PPP1R12B: variants seen among roughly 807,000 people sequenced by gnomAD.
PPP1R12B encodes the protein protein phosphatase 1 regulatory subunit 12B.
In PPP1R12B, 76 loss-of-function variants were observed where a neutral mutation model predicts 126.1. That is an observed-to-expected ratio of 0.60 (90% CI 0.50 to 0.73). The LOEUF is 0.73. Among genes scored for constraint, PPP1R12B ranks in the 30% least tolerant of loss-of-function variants. PPP1R12B has a pLI of 0.00. For missense variants in PPP1R12B, 1,052 were observed against 1,205.1 expected, an observed-to-expected ratio of 0.87 and a Z score of 1.88; for synonymous variants, 356 against 434.7, an observed-to-expected ratio of 0.82 and a Z score of 2.25.
At chr1:202,394,832 A>G (rs1361894671) in intron 1 of PPP1R12B, among the ~76,000 whole-genome samples, 2 of 151,538 alleles carry the variant, frequency 1.3e-5, no homozygotes, top group Non-Finnish European at 2.9e-5. Context: ...AGAAAAGAAA[A>G]TCAATTTGGG....
intron 13 of PPP1R12B, among the ~76,000 whole-genome samples, chr1:202,459,205 G>A (rs751629397): frequency 3.9e-5 from 6 of 152,142 alleles, no homozygotes; most frequent in Non-Finnish European, 5.9e-5. Context: ...ACATGGAAAT[G>A]TTAATATTGG....
At chr1:202,438,886 G>A in intron 10 of PPP1R12B, 1 of 1,428,868 alleles carries the variant, frequency 7.0e-7, no homozygotes, top group Non-Finnish European at 9.8e-7. Context: ...CAGGGCAGGA[G>A]CCCATACATC....
Position 202,411,598 on chromosome 1 carries a change from T to G in PPP1R12B, c.292-5189T>G, listed in dbSNP as rs72644160. On this transcript the variant is annotated intron_variant, in intron 1 of 23. Coordinates refer to ENST00000608999, the MANE Select transcript of PPP1R12B (RefSeq NM_002481.4). Reference sequence around the variant, plus strand: ...TGAGGACTAAGTACTTTTTGTTTTTTTTTTTTCCCCTTGAGGCAGTTGCTG... The same window carrying G: ...TGAGGACTAAGTACTTTTTGTTTTTGTTTTTTCCCCTTGAGGCAGTTGCTG... Among the ~76,000 whole-genome samples, 3,283 of 152,120 alleles carry G rather than the reference T, an allele frequency of 0.022. 247 individuals carry two copies. In the East Asian group the frequency reaches 0.25, roughly 12 times the overall value.
chr1:202,435,140 C>A (rs1670643199), intron 9 of PPP1R12B, among the ~76,000 whole-genome samples: 1 of 152,152 alleles, frequency 6.6e-6, no homozygotes, highest in African/African-American at 2.4e-5. Flanking sequence ...CCCTATTAAC[C>A]TCATTTAAGC....
intron 23 of PPP1R12B, chr1:202,574,965 T>C (rs769298363): frequency 1.3e-6 from 2 of 1,545,676 alleles, no homozygotes; most frequent in East Asian, 4.5e-5. Context: ...TCTCTCTGTC[T>C]TTTCTGTCTG....
chr1:202,402,086 C>A (rs1295143617), intron 1 of PPP1R12B, among the ~76,000 whole-genome samples: 1 of 152,214 alleles, frequency 6.6e-6, no homozygotes, highest in Non-Finnish European at 1.5e-5. Flanking sequence ...TTCTCATTTT[C>A]ATTTCCATAA....
Position 202,582,359 on chromosome 1 carries a change from A to C in PPP1R12B, c.*1799A>C, listed in dbSNP as rs926056296. ...TAGTTCTTGATGATAACCTAGCATT[A>C]ATACTTACAGTATTTTCTTTTTGTA... On this transcript the variant is annotated 3_prime_UTR_variant, in exon 24 of 24. Coordinates refer to ENST00000608999, the MANE Select transcript of PPP1R12B (RefSeq NM_002481.4). 4 of 152,666 alleles carry C rather than the reference A, an allele frequency of 2.6e-5. No individual in the cohort carries two copies. Among genetic ancestry groups the C allele is most frequent in the Non-Finnish European group, 5.9e-5 (4 of 68,048 alleles). 9.5% of individuals were successfully genotyped at this position (152,666 alleles called of 1,614,324 possible).
At position 202,362,065 on chromosome 1, in the gene PPP1R12B, CT is replaced by C. The variant is rs112802595; in HGVS notation, c.291+12936del. On this transcript the variant is annotated intron_variant, in intron 1 of 23. Transcript: ENST00000608999. ...CGGGCATTTCAGGGGAGGCAGATTA[CT>C]TTTTTTTTTTTTCCTGCTTCTTGGC... is the stretch of plus-strand genomic sequence containing the variant. Among the ~76,000 whole-genome samples, 1,319 of 142,162 alleles carry C rather than the reference CT, an allele frequency of 9.3e-3. 13 individuals are homozygous for C. The highest frequency in any genetic ancestry group is 0.027 in the African/African-American group (1,066 of 39,094). 93.3% of individuals were successfully genotyped at this position (142,162 alleles called of 152,430 possible).
At chr1:202,531,472 T>G (rs1047631093) in intron 18 of PPP1R12B, among the ~76,000 whole-genome samples, 2 of 152,306 alleles carry the variant, frequency 1.3e-5, no homozygotes. Flanking sequence ...CTTACAGTAC[T>G]TTGTATATCC....
At chr1:202,363,429 A>G (rs1346525363) in intron 1 of PPP1R12B, among the ~76,000 whole-genome samples, 1 of 152,234 alleles carries the variant, frequency 6.6e-6, no homozygotes, top group Non-Finnish European at 1.5e-5. Flanking sequence ...GTATGTTTTA[A>G]GATAATCAAG....
intron 13 of PPP1R12B, among the ~76,000 whole-genome samples, chr1:202,458,139 C>T (rs1459708639): frequency 4.8e-5 from 7 of 147,270 alleles, no homozygotes; most frequent in Non-Finnish European, 1.0e-4. Flanking sequence ...TTCAAAGAAA[C>T]CCAAGACTGG....
chr1:202,487,189 A>G (rs2148834122), intron 13 of PPP1R12B, among the ~76,000 whole-genome samples: 1 of 152,296 alleles, frequency 6.6e-6, no homozygotes, highest in South Asian at 2.1e-4. Flanking sequence ...GAGAAAAGCA[A>G]TCATCTCAAT....
intron 7 of PPP1R12B, among the ~76,000 whole-genome samples, chr1:202,431,208 G>T (rs572879131): frequency 2.2e-4 from 34 of 152,186 alleles, no homozygotes; most frequent in Non-Finnish European, 3.5e-4. Context: ...TTTGTTAAAT[G>T]ATTTTTTTGA....
chr1:202,408,323 T>A (rs1412486110), intron 1 of PPP1R12B, among the ~76,000 whole-genome samples: 1 of 152,218 alleles, frequency 6.6e-6, no homozygotes, highest in Admixed American at 6.5e-5. Context: ...ATTAGTTCTT[T>A]CAGGGTTTTG....
At chr1:202,577,613 A>C (rs1689208092) in intron 23 of PPP1R12B, among the ~76,000 whole-genome samples, 1 of 151,540 alleles carries the variant, frequency 6.6e-6, no homozygotes, top group Admixed American at 6.6e-5. Flanking sequence ...ATCTTATCTC[A>C]GCATGTAGAG....
chr1:202,437,919 G>A lies in PPP1R12B; in HGVS notation c.1353G>A (p.Leu451=). 1 of 1,614,088 alleles carries A rather than the reference G, an allele frequency of 6.2e-7. No individual in the cohort carries two copies. Among genetic ancestry groups the A allele is most frequent in the Non-Finnish European group, 8.5e-7 (1 of 1,179,936 alleles). Residue 451 remains leucine (L), a synonymous_variant, in exon 10 of 24, where the codon CTG becomes CTA. Coordinates refer to ENST00000608999, the MANE Select transcript of PPP1R12B (RefSeq NM_002481.4). ...GLRKTGSHNM[L]SEVANSREPI... ...GAAAAACTGGCAGCCACAACATGCT[G>A]AGTGAGGTGGCCAATTCCAGGGAAC...
At chr1:202,408,841 TTC>T (rs1666986985) in intron 1 of PPP1R12B, among the ~76,000 whole-genome samples, 1 of 133,826 alleles carries the variant, frequency 7.5e-6, no homozygotes, top group East Asian at 2.4e-4. Flanking sequence ...TATTATTTCT[TTC>T]TTTTTTTTTT....
chr1:202,373,126 G>A (rs1005738419), intron 1 of PPP1R12B, among the ~76,000 whole-genome samples: 9 of 151,886 alleles, frequency 5.9e-5, no homozygotes, highest in African/African-American at 2.2e-4. Context: ...GGTAGAGATG[G>A]GGTTTCACCA....
At chr1:202,535,504 T>C (rs972179969) in intron 18 of PPP1R12B, among the ~76,000 whole-genome samples, 4 of 152,236 alleles carry the variant, frequency 2.6e-5, no homozygotes, top group Non-Finnish European at 4.4e-5. Context: ...ACATTAGATA[T>C]GTCCCATCTA....
Sources: allele counts gnomAD v4.1 joint callset (sites outside exome capture counted in the v4.1 genomes callset), GRCh38; gene constraint gnomAD v4.1.1; transcripts MANE v1.5; gene names NCBI Gene and HGNC (gene_info 2026-07-23, HGNC 2026-07-21).